Variants in NAV1 observed in about 807,000 individuals in gnomAD.
NAV1 encodes the protein neuron navigator 1, also known as pore membrane and/or filament interacting like protein 3.
NAV1 carries 18 observed loss-of-function variants against 175.2 expected under a neutral mutation model. The observed-to-expected ratio is 0.10, with a 90% CI of 0.07 to 0.15. NAV1 has a LOEUF of 0.15. Among genes scored for constraint, NAV1 ranks in the 10% least tolerant of loss-of-function variants. NAV1 has a pLI of 1.00. For synonymous variants in NAV1, 897 were observed against 978.7 expected, an observed-to-expected ratio of 0.92 and a Z score of 1.56; for missense variants, 1,731 against 2,436.6, an observed-to-expected ratio of 0.71 and a Z score of 6.10.
chr1:201,632,674 G>A (rs979095818), intron 2 of NAV1, among the ~76,000 whole-genome samples: 1 of 152,304 alleles, frequency 6.6e-6, no homozygotes, highest in African/African-American at 2.4e-5. Context: ...CACAATGAAG[G>A]GATCTTTTTC....
chr1:201,594,156 C>T (rs1314299077), intron 2 of NAV1, among the ~76,000 whole-genome samples: 2 of 151,222 alleles, frequency 1.3e-5, no homozygotes, highest in South Asian at 2.1e-4. Flanking sequence ...GGGACCCGAG[C>T]GGGTTGCCCG....
chr1:201,692,205 G>A (rs762297653), intron 1 of NAV1, among the ~76,000 whole-genome samples: 1 of 152,184 alleles, frequency 6.6e-6, no homozygotes, highest in Non-Finnish European at 1.5e-5. Context: ...ATATAGAGAA[G>A]CAGGCAGGCA....
At chr1:201,690,902 T>A (rs576817034) in intron 1 of NAV1, among the ~76,000 whole-genome samples, 1 of 152,358 alleles carries the variant, frequency 6.6e-6, no homozygotes, top group African/African-American at 2.4e-5. Flanking sequence ...ATTTTGCATA[T>A]CACTTCAGTG....
At chr1:201,686,042 A>G (rs1426088523) in intron 1 of NAV1, among the ~76,000 whole-genome samples, 1 of 152,142 alleles carries the variant, frequency 6.6e-6, no homozygotes, top group Non-Finnish European at 1.5e-5. Context: ...TTCTCAGCTC[A>G]CTGCTTTTAT....
intron 22 of NAV1, 66 bp downstream of exon 26, chr1:201,809,603 G>C: frequency 6.8e-7 from 1 of 1,478,778 alleles, no homozygotes; most frequent in Non-Finnish European, 9.3e-7. Flanking sequence ...CTTTTTTAGA[G>C]ACAGGGTCTC....
chr1:201,603,422 T>C (rs1182089957), intron 2 of NAV1, among the ~76,000 whole-genome samples: 2 of 152,236 alleles, frequency 1.3e-5, no homozygotes, highest in Non-Finnish European at 2.9e-5. Context: ...TACGTTTTCA[T>C]CTGTAACTAG....
At chr1:201,656,166 C>T (rs981205081) in intron 1 of NAV1, among the ~76,000 whole-genome samples, 2 of 152,230 alleles carry the variant, frequency 1.3e-5, no homozygotes, top group African/African-American at 4.8e-5. Flanking sequence ...TGGGCCTTGG[C>T]CTGAGCCATC....
chr1:201,553,860 T>A (rs1236479792), intron 1 of NAV1, among the ~76,000 whole-genome samples: 1 of 152,238 alleles, frequency 6.6e-6, no homozygotes, highest in Non-Finnish European at 1.5e-5. Context: ...ATTTCTGACG[T>A]ATGAATGTGC....
chr1:201,780,135 A>C (rs534929849), intron 3 of NAV1, among the ~76,000 whole-genome samples: 1 of 152,350 alleles, frequency 6.6e-6, no homozygotes, highest in African/African-American at 2.4e-5. Context: ...AGATTGATCC[A>C]AAAATTACCT....
intron 2 of NAV1, among the ~76,000 whole-genome samples, chr1:201,598,927 CT>C (rs1295550886): frequency 1.3e-5 from 2 of 152,204 alleles, no homozygotes; most frequent in African/African-American, 2.4e-5. Flanking sequence ...ATCCCTCCCC[CT>C]GCCTCTGGAC....
Position 201,788,475 on chromosome 1 carries a change from C to T in NAV1, c.3003C>T (p.Pro1001=), listed in dbSNP as rs1676909599. 6.2e-7 allele frequency: 1 copy of T among 1,613,944 alleles called. No individual in the cohort carries two copies. The highest frequency in any genetic ancestry group is 8.5e-7 in the Non-Finnish European group (1 of 1,179,998). Residue 1001 remains proline, a synonymous_variant, in exon 10 of 30, where the codon CCC becomes CCT. Transcript: ENST00000367296. This position sits in a 1 kb window ranked among gnomAD's most constrained non-coding sequence, Gnocchi z 5.7. ...TTCCCTCTGTCCTTCCAGTGAGTCC[C>T]ACTGCGGCCACCACGCCAAGAATCA...
intron 1 of NAV1, among the ~76,000 whole-genome samples, chr1:201,663,386 C>T (rs978989247): frequency 6.6e-6 from 1 of 152,230 alleles, no homozygotes; most frequent in African/African-American, 2.4e-5. Context: ...TAGCCTGGGC[C>T]TGGCTCCTGT....
chr1:201,631,775 A>G (rs1228667161), intron 2 of NAV1, among the ~76,000 whole-genome samples: 4 of 152,200 alleles, frequency 2.6e-5, no homozygotes, highest in Admixed American at 1.3e-4. Context: ...AATCCAGCAT[A>G]GTTATTTGAC....
intron 3 of NAV1, among the ~76,000 whole-genome samples, chr1:201,779,591 TC>T (rs1676174822): frequency 1.4e-5 from 1 of 72,860 alleles, no homozygotes; most frequent in Non-Finnish European, 2.2e-5. Flanking sequence ...AGAGCAGGAC[TC>T]CGTCTCAAAA....
Position 201,812,580 on chromosome 1 carries a change from C to T in NAV1, c.5140C>T (p.Arg1714Trp). The T allele has an allele frequency of 1.9e-6, 3 of 1,614,180 alleles. No individual in the cohort carries two copies. Among genetic ancestry groups the T allele is most frequent in the Non-Finnish European group, 2.5e-6 (3 of 1,180,024 alleles). Residue 1714 changes from arginine to tryptophan, a missense_variant, in exon 27 of 30, where the codon CGG becomes TGG. Arg to Trp is a moderately radical substitution (Grantham distance 101). Around this residue, in one of 13 missense-constraint regions of NAV1, gnomAD observed 115 missense variants for 269.4 expected, o/e 0.43. Coordinates refer to ENST00000367296, the Ensembl canonical transcript of NAV1. The surrounding 1 kb of genome is among the most constrained non-coding windows in gnomAD (Gnocchi z 4.6). ...CAATGCCAACAAGGAAGAGCTGCTT[C>T]GGGTGCTCGACTGGGTACCCAAGCT...
intron 1 of NAV1, among the ~76,000 whole-genome samples, chr1:201,705,075 T>A (rs1671611179): frequency 6.6e-6 from 1 of 152,134 alleles, no homozygotes; most frequent in Non-Finnish European, 1.5e-5. Context: ...CATCTCTACC[T>A]CCCAAAGTGT....
chr1:201,745,365 C>A (rs1673703824), intron 3 of NAV1, among the ~76,000 whole-genome samples: 1 of 152,164 alleles, frequency 6.6e-6, no homozygotes, highest in Non-Finnish European at 1.5e-5. Context: ...GGATATATAG[C>A]AAGTATGAAT....
chr1:201,687,601 G>GA (rs1480595971), intron 1 of NAV1, among the ~76,000 whole-genome samples: 4 of 151,956 alleles, frequency 2.6e-5, no homozygotes, highest in Admixed American at 6.6e-5. Context: ...TCTACAGGTG[G>GA]AAAAAAAATG....
intron 28 of NAV1, 33 bp from the exon 33 acceptor site, chr1:201,817,055 C>A (rs1272700740): frequency 2.5e-6 from 4 of 1,600,860 alleles, no homozygotes; most frequent in Non-Finnish European, 3.4e-6. Context: ...TCTGTTAATT[C>A]CCCACAGTAA....
Sources: gnomAD v4.1 joint callset for allele counts (sites outside exome capture counted in the v4.1 genomes callset) on GRCh38, gnomAD v4.1.1 for gene constraint, gnomAD v4.1.1 regional missense constraint, Gnocchi (gnomAD v3.1) non-coding constraint, MANE v1.5 for transcripts, NCBI Gene and HGNC (gene_info 2026-07-23, HGNC 2026-07-21) for gene names.